Variants in PDE4D observed in about 807,000 individuals in gnomAD.
The protein encoded by PDE4D is 3',5'-cyclic-AMP phosphodiesterase 4D.
In PDE4D, 24 loss-of-function variants were observed where a neutral mutation model predicts 87.4. The observed-to-expected ratio is 0.27, with a 90% confidence interval of 0.20 to 0.39. The LOEUF (loss-of-function observed/expected upper bound fraction) is 0.39, where lower values mean the gene tolerates loss of function less well. Ranked by LOEUF, PDE4D falls within the 10% of genes least tolerant of loss-of-function variation. The pLI is 1.00. For missense variants in PDE4D, 714 were observed against 1,041.0 expected (o/e 0.69, Z 4.32); for synonymous variants, 384 against 383.2 (o/e 1.00, Z -0.02).
chr5:59,588,010 CG>C (rs966781585), intron 1 of PDE4D, among the ~76,000 whole-genome samples: 2 of 151,902 alleles, frequency 1.3e-5, no homozygotes, highest in Non-Finnish European at 2.9e-5. Context: ...AAAAAAGCAC[CG>C]GGGTGGGGAA....
intron 1 of PDE4D, among the ~76,000 whole-genome samples, chr5:60,211,545 T>C (rs1743225930): frequency 6.7e-6 from 1 of 149,476 alleles, no homozygotes; most frequent in Admixed American, 6.7e-5. Context: ...TATTTGTATA[T>C]ATGTTTTATA....
rs550416466 is a variant in PDE4D, at chr5:60,318,913, T to C, written c.-89-133226A>G. Among the ~76,000 whole-genome samples, 497 of 152,300 alleles carry C rather than the reference T, an allele frequency of 3.3e-3. 5 individuals carry two copies. The highest frequency in any genetic ancestry group is 0.011 in the African/African-American group (468 of 41,570). On this transcript the variant is annotated intron_variant, in intron 1 of 16. Transcript: ENST00000502484. ...CCCGACCTTCCTCTCTGGCTGCCCT[T>C]AACATTTTTTCCTTCATTTCAACTT...
chr5:59,087,081 T>C (rs1561460402), intron 5 of PDE4D, among the ~76,000 whole-genome samples: 1 of 152,168 alleles, frequency 6.6e-6, no homozygotes, highest in Admixed American at 6.5e-5. Context: ...ATACTTTTCT[T>C]CAGTTGATTA....
intron 1 of PDE4D, among the ~76,000 whole-genome samples, chr5:60,371,649 T>G (rs901265819): frequency 6.6e-6 from 1 of 152,202 alleles, no homozygotes; most frequent in African/African-American, 2.4e-5. Flanking sequence ...TGCAGGACCC[T>G]AGAAGCCCAC....
intron 2 of PDE4D, among the ~76,000 whole-genome samples, chr5:60,012,408 G>A (rs976315313): frequency 3.3e-5 from 5 of 152,210 alleles, no homozygotes; most frequent in East Asian, 1.9e-4. Flanking sequence ...AATGGAAAAC[G>A]AAAGTACAAT....
chr5:59,318,919 T>C (rs1038388904), intron 1 of PDE4D, among the ~76,000 whole-genome samples: 1 of 152,138 alleles, frequency 6.6e-6, no homozygotes, highest in Admixed American at 6.6e-5. Flanking sequence ...TTTGGAAAAT[T>C]CTTTTATCTT....
At chr5:60,346,005 C>T (rs1758719649) in intron 1 of PDE4D, among the ~76,000 whole-genome samples, 1 of 152,074 alleles carries the variant, frequency 6.6e-6, no homozygotes, top group African/African-American at 2.4e-5. Flanking sequence ...AAGCTTATAT[C>T]CGTTGAGTAA....
chr5:59,505,527 C>T (rs1185452044), intron 1 of PDE4D, among the ~76,000 whole-genome samples: 2 of 152,190 alleles, frequency 1.3e-5, no homozygotes, highest in Non-Finnish European at 2.9e-5. Context: ...AAAATGTCAA[C>T]GTATGGCTTA....
chr5:60,430,076 G>T, intron 1 of PDE4D: 2 of 523,918 alleles, frequency 3.8e-6, no homozygotes, highest in Non-Finnish European at 3.8e-6. Flanking sequence ...GCTTTGTTGA[G>T]CCTGGTATCA....
At chr5:60,047,682 A>G (rs1371952820) in intron 2 of PDE4D, among the ~76,000 whole-genome samples, 4 of 152,064 alleles carry the variant, frequency 2.6e-5, no homozygotes, top group South Asian at 2.1e-4. Flanking sequence ...GCGGTTTTGA[A>G]TGAGATTCTT....
intron 1 of PDE4D, among the ~76,000 whole-genome samples, chr5:59,316,216 T>G (rs1773701261): frequency 6.6e-6 from 1 of 152,118 alleles, no homozygotes; most frequent in Admixed American, 6.5e-5. Flanking sequence ...TAAAGGCAGA[T>G]TGCCAGTCTG....
intron 1 of PDE4D, among the ~76,000 whole-genome samples, chr5:59,867,380 T>C (rs1747197768): frequency 6.6e-6 from 1 of 152,098 alleles, no homozygotes; most frequent in Non-Finnish European, 1.5e-5. Context: ...AAAATAAAAT[T>C]AAAACTGCAA....
chr5:60,331,894 T>C lies in PDE4D; in HGVS notation c.-89-146207A>G, dbSNP rs957001419. ...CTTAGCTACTCTGCTTCAGTAGCTA[T>C]TTTATAGGAATGCTACTCATGTTCC... is the stretch of plus-strand genomic sequence containing the variant. On this transcript the variant is annotated intron_variant, in intron 1 of 16. Transcript: ENST00000502484. Among the ~76,000 whole-genome samples, 15 of 152,328 alleles carry C rather than the reference T, an allele frequency of 9.8e-5. No homozygotes were observed. The South Asian group carries it at 2.7e-3, about 27-fold the overall frequency.
chr5:59,495,595 G>T (rs1226283829), intron 1 of PDE4D, among the ~76,000 whole-genome samples: 1 of 152,192 alleles, frequency 6.6e-6, no homozygotes, highest in Non-Finnish European at 1.5e-5. Flanking sequence ...GCTTGGATGC[G>T]ATAGAGAAGA....
At chr5:59,115,943 GT>G (rs1773533198) in intron 5 of PDE4D, among the ~76,000 whole-genome samples, 1 of 151,910 alleles carries the variant, frequency 6.6e-6, no homozygotes, top group African/African-American at 2.4e-5. Flanking sequence ...AATGATTTTG[GT>G]TGTTTAGATC....
intron 3 of PDE4D, among the ~76,000 whole-genome samples, chr5:59,951,392 G>T (rs1758280313): frequency 6.6e-6 from 1 of 152,098 alleles, no homozygotes; most frequent in African/African-American, 2.4e-5. Context: ...AATATGGACA[G>T]TTAAAAATCC....
intron 1 of PDE4D, among the ~76,000 whole-genome samples, chr5:59,813,481 CATAT>C (rs1467900007): frequency 3.8e-4 from 53 of 139,344 alleles, no homozygotes; most frequent in Admixed American, 7.0e-4. Context: ...CACACACACA[CATAT>C]GCCTGTCATT....
rs189483088 is a variant in PDE4D at position 60,494,602 on chromosome 5, C to A, written n.70+27449G>T. ...ATAGTCTCCCTGGGCTCCCCAGATT[C>A]TTCTTTGTGGCCCACAAAGGGGCCT... On this transcript the variant is annotated intron_variant and non_coding_transcript_variant, in intron 1 of 2. Coordinates refer to the PDE4D transcript ENST00000506510. 3.1e-4 allele frequency among the ~76,000 whole-genome samples: 47 copies of A among 152,320 alleles called. No individual in the cohort carries two copies. The East Asian group carries it at 7.9e-3, about 26-fold the overall frequency.
At chr5:60,349,074 C>T (rs1020596171) in intron 1 of PDE4D, among the ~76,000 whole-genome samples, 1 of 152,086 alleles carries the variant, frequency 6.6e-6, no homozygotes, top group Non-Finnish European at 1.5e-5. Context: ...ATGTGATATA[C>T]AGTGGAGCAT....
Sources: gnomAD v4.1 joint callset for allele counts (sites outside exome capture counted in the v4.1 genomes callset) on GRCh38, gnomAD v4.1.1 for gene constraint, MANE v1.5 for transcripts, NCBI Gene and HGNC (gene_info 2026-07-23, HGNC 2026-07-21) for gene names.